Variants in CSRNP3 observed in about 807,000 individuals in gnomAD.
The protein encoded by CSRNP3 is cysteine and serine rich nuclear protein 3.
In CSRNP3, 12 loss-of-function variants were observed where a neutral mutation model predicts 48.0. The observed-to-expected ratio is 0.25, with a 90% CI of 0.16 to 0.41. CSRNP3 has a LOEUF of 0.41. CSRNP3 is among the 10% of genes least tolerant of loss of function. The pLI is 1.00. For missense variants in CSRNP3, 580 were observed against 724.4 expected (o/e 0.80, Z 2.29); for synonymous variants, 263 against 269.7 (o/e 0.98, Z 0.24).
chr2:165,668,603 T>C (rs923353312), intron 5 of CSRNP3, among the ~76,000 whole-genome samples: 1 of 151,978 alleles, frequency 6.6e-6, no homozygotes, highest in African/African-American at 2.4e-5. Context: ...GGTTTCACCA[T>C]GTTGGCCAGT....
chr2:165,629,064 A>G (rs909303410), intron 4 of CSRNP3, among the ~76,000 whole-genome samples: 3 of 152,196 alleles, frequency 2.0e-5, no homozygotes, highest in Non-Finnish European at 4.4e-5. Context: ...CAGTGGGAAT[A>G]TTTACACTAT....
At chr2:165,639,223 C>A (rs1686685855) in intron 4 of CSRNP3, among the ~76,000 whole-genome samples, 1 of 152,082 alleles carries the variant, frequency 6.6e-6, no homozygotes, top group Non-Finnish European at 1.5e-5. Flanking sequence ...ACAAAAAGCA[C>A]AAAACGTGCA....
At position 165,510,278 on chromosome 2, in the gene CSRNP3, T is replaced by C. The variant is rs187927219; in HGVS notation, c.-112-7595T>C. On this transcript the variant is annotated intron_variant, in intron 2 of 6. Coordinates refer to ENST00000651982, the MANE Select transcript of CSRNP3 (RefSeq NM_001172173.2). Reference sequence around the variant, plus strand: ...CTTAAATGGGGATGATCTGTATATGTTCTTTGGAAACTTTTTGTAAGGAAC... The same window carrying C: ...CTTAAATGGGGATGATCTGTATATGCTCTTTGGAAACTTTTTGTAAGGAAC... Among the ~76,000 whole-genome samples the C allele has an allele frequency of 2.4e-4, 37 of 152,300 alleles. No individual in the cohort carries two copies. In the East Asian group the frequency reaches 6.6e-3, roughly 27 times the overall value.
At chr2:165,551,541 T>C (rs921657490) in intron 3 of CSRNP3, among the ~76,000 whole-genome samples, 1 of 152,200 alleles carries the variant, frequency 6.6e-6, no homozygotes, top group African/African-American at 2.4e-5. Flanking sequence ...ACAGCAGCAG[T>C]CAGTTTCAAA....
intron 3 of CSRNP3, among the ~76,000 whole-genome samples, chr2:165,552,725 G>A (rs747715288): frequency 3.3e-4 from 50 of 150,872 alleles, no homozygotes; most frequent in Non-Finnish European, 4.7e-4. Context: ...TTTTGAGATG[G>A]AGTCTCACTC....
chr2:165,682,182 A>G lies in CSRNP3; in HGVS notation c.*2429A>G, dbSNP rs1247664301. ...AGTTCAGCTTTATTTTCCTAAGACG[A>G]TATGAAGCCTACTTTTTTATTTTTG... On this transcript the variant is annotated 3_prime_UTR_variant, in exon 7 of 7. Coordinates refer to ENST00000651982, the MANE Select transcript of CSRNP3 (RefSeq NM_001172173.2). 1 of 152,004 alleles carries G rather than the reference A, an allele frequency of 6.6e-6. No individual in the cohort carries two copies. The highest frequency in any genetic ancestry group is 1.5e-5 in the Non-Finnish European group (1 of 67,990). 9.4% of individuals were successfully genotyped at this position (152,004 alleles called of 1,614,324 possible). A position where few individuals can be genotyped will look rare whatever the true frequency, so the allele number is the denominator to read the frequency against.
chr2:165,578,905 G>C (rs111502545), intron 3 of CSRNP3, among the ~76,000 whole-genome samples: 1,850 of 152,186 alleles, frequency 0.012, 41 homozygotes, highest in African/African-American at 0.042. Flanking sequence ...AAGCCATGTA[G>C]CCTTGACATG....
At chr2:165,478,039 A>G (rs1405316655) in intron 1 of CSRNP3, among the ~76,000 whole-genome samples, 12 of 136,772 alleles carry the variant, frequency 8.8e-5, no homozygotes, top group African/African-American at 2.5e-4. Flanking sequence ...AGGGAAAGGA[A>G]GGAAAGGAAG....
chr2:165,571,505 G>A (rs1054266753), intron 3 of CSRNP3, among the ~76,000 whole-genome samples: 6 of 151,628 alleles, frequency 4.0e-5, no homozygotes, highest in African/African-American at 1.5e-4. Flanking sequence ...ACACATATTT[G>A]TATATATATT....
intron 3 of CSRNP3, among the ~76,000 whole-genome samples, chr2:165,560,021 G>C (rs9636288): frequency 0.018 from 2,668 of 151,900 alleles, 164 homozygotes; most frequent in East Asian, 0.15. Flanking sequence ...GGATGGTCTC[G>C]ATCTCCTGAC....
intron 4 of CSRNP3, among the ~76,000 whole-genome samples, chr2:165,632,044 G>A (rs1207434164): frequency 6.6e-6 from 1 of 152,222 alleles, no homozygotes; most frequent in African/African-American, 2.4e-5. Context: ...TACAGTTTCT[G>A]TGCTGCATGG....
chr2:165,558,685 G>A (rs994482429), intron 3 of CSRNP3, among the ~76,000 whole-genome samples: 4 of 152,092 alleles, frequency 2.6e-5, no homozygotes, highest in Middle Eastern at 3.4e-3. Context: ...TTATGTAGCC[G>A]CAATAATTAC....
intron 3 of CSRNP3, among the ~76,000 whole-genome samples, 189 bp from the exon 4 acceptor site, chr2:165,594,854 C>T (rs965533027): frequency 3.3e-5 from 5 of 152,112 alleles, no homozygotes; most frequent in African/African-American, 9.6e-5. Context: ...TGGTTAAATA[C>T]TCATATTTAA....
At chr2:165,555,750 T>C (rs1270003851) in intron 3 of CSRNP3, among the ~76,000 whole-genome samples, 2 of 152,210 alleles carry the variant, frequency 1.3e-5, no homozygotes, top group Non-Finnish European at 2.9e-5. Flanking sequence ...AATCGTAATA[T>C]GTGAGTAGGC....
chr2:165,665,775 A>AAGAGAGAGAGAGAGAGAGAGAG (rs10645178), intron 5 of CSRNP3, among the ~76,000 whole-genome samples: 70 of 131,246 alleles, frequency 5.3e-4, no homozygotes, highest in African/African-American at 1.7e-3. Flanking sequence ...AAAAGAAAGA[A>AAGAGAGAGAGAGAGAGAGAGAG]AGAGAGAGAG....
chr2:165,652,961 G>C (rs1459874790), intron 4 of CSRNP3, among the ~76,000 whole-genome samples: 1 of 152,170 alleles, frequency 6.6e-6, no homozygotes, highest in Non-Finnish European at 1.5e-5. Flanking sequence ...ACACAAAGTA[G>C]AGCTTAATCT....
intron 3 of CSRNP3, among the ~76,000 whole-genome samples, chr2:165,543,820 G>T (rs1287539618): frequency 6.6e-6 from 1 of 151,924 alleles, no homozygotes; most frequent in East Asian, 1.9e-4. Context: ...AATAAAATCA[G>T]TGGTTTCCAG....
chr2:165,530,190 C>T (rs1684792694), intron 3 of CSRNP3, among the ~76,000 whole-genome samples: 1 of 152,108 alleles, frequency 6.6e-6, no homozygotes, highest in Admixed American at 6.5e-5. Flanking sequence ...AAGCTCAGAA[C>T]TACAAAAGTC....
At position 165,676,360 on chromosome 2, in the gene CSRNP3, C is replaced by T. The variant is rs1687424860; in HGVS notation, c.457C>T (p.Leu153=). Residue 153 remains leucine (L), a synonymous_variant, in exon 6 of 7, where the codon CTG becomes TTG. Coordinates refer to ENST00000651982, the MANE Select transcript of CSRNP3 (RefSeq NM_001172173.2). The part of the protein sequence containing the change: ...VESEEASTLT[L]DDISDDDIDL... ...ATCAGAAGAAGCCAGCACTCTTACA[C>T]TGGATGACATTTCTGATGATGACAT... 1 of 1,613,938 alleles carries T rather than the reference C, an allele frequency of 6.2e-7. No individual in the cohort carries two copies. The highest frequency in any genetic ancestry group is 1.7e-5 in the Admixed American group (1 of 60,008).
Sources: allele counts gnomAD v4.1 joint callset (sites outside exome capture counted in the v4.1 genomes callset), GRCh38; gene constraint gnomAD v4.1.1; transcripts MANE v1.5; gene names NCBI Gene and HGNC (gene_info 2026-07-23, HGNC 2026-07-21).